The following RFX7 variants were observed in gnomAD, a reference collection of about 807,000 sequenced individuals.
RFX7 encodes regulatory factor X7.
Under a neutral mutation model 111.8 loss-of-function variants are expected in RFX7, and 26 were observed. That is an observed-to-expected ratio of 0.23 (90% CI 0.17 to 0.32). The LOEUF is 0.32. Ranked by LOEUF, RFX7 falls within the 10% of genes least tolerant of loss-of-function variation. The probability of loss-of-function intolerance (pLI) is 1.00; values close to 1 mark genes in which losing one functional copy is unlikely to be tolerated. For synonymous variants in RFX7, 624 were observed against 624.4 expected (o/e 1.00, Z 0.01); for missense variants, 1,573 against 1,772.9 (o/e 0.89, Z 2.02).
chr15:56,234,547 C>G (rs796539145), intron 2 of RFX7, among the ~76,000 whole-genome samples: 34 of 152,260 alleles, frequency 2.2e-4, no homozygotes, highest in African/African-American at 7.5e-4. Flanking sequence ...GATGTAATGA[C>G]TGCAATCAAA....
chr15:56,094,996 C>G lies in RFX7; in HGVS notation c.2732G>C (p.Gly911Ala), dbSNP rs1485268941. The G allele has an allele frequency of 6.2e-7, 1 of 1,612,842 alleles. No individual in the cohort carries two copies. The highest frequency in any genetic ancestry group is 8.5e-7 in the Non-Finnish European group (1 of 1,179,422). The change falls in exon 10 of 10, where the codon GGA becomes GCA. Residue 911 changes from glycine (G) to alanine (A), a missense_variant. This residue lies in a region of RFX7 where 625 missense variants were observed against 632.2 expected (regional missense o/e 0.99). Coordinates refer to ENST00000559447, the MANE Select transcript of RFX7 (RefSeq NM_022841.7). The part of the protein sequence containing the change: ...NNSHSYGNCL[G>A]MTLQSQSVTP... Reference sequence around the variant, plus strand: ...TACTGACTGACTCTGAAGGGTCATTCCCAAACAGTTGCCGTAAGAATGAGA... The same window carrying G: ...TACTGACTGACTCTGAAGGGTCATTGCCAAACAGTTGCCGTAAGAATGAGA...
At chr15:56,111,053 A>G (rs1555417799) in intron 5 of RFX7, among the ~76,000 whole-genome samples, 1 of 88,226 alleles carries the variant, frequency 1.1e-5, no homozygotes, top group African/African-American at 3.9e-5. Context: ...CCGGCCAGCC[A>G]CCCTGTCCGG....
intron 5 of RFX7, among the ~76,000 whole-genome samples, chr15:56,119,890 C>T (rs1289061218): frequency 5.3e-5 from 8 of 151,964 alleles, no homozygotes; most frequent in African/African-American, 1.2e-4. Flanking sequence ...TATGCCAGTA[C>T]CATGCTGTTT....
intron 2 of RFX7, among the ~76,000 whole-genome samples, chr15:56,198,051 T>G (rs1455127740): frequency 1.3e-5 from 2 of 152,182 alleles, no homozygotes; most frequent in African/African-American, 2.4e-5. Context: ...GATACAGCAA[T>G]GCTAGCTGAA....
At chr15:56,124,601 G>A (rs545417331) in intron 5 of RFX7, among the ~76,000 whole-genome samples, 1 of 152,226 alleles carries the variant, frequency 6.6e-6, no homozygotes, top group East Asian at 1.9e-4. Context: ...GCGTTTCCCT[G>A]ATGATTAGTG....
At chr15:56,138,335 C>G (rs1298346183) in intron 5 of RFX7, among the ~76,000 whole-genome samples, 1 of 150,786 alleles carries the variant, frequency 6.6e-6, no homozygotes, top group African/African-American at 2.4e-5. Context: ...ATAGTTAGCT[C>G]TTCTTGTTGA....
chr15:56,093,709 C>G lies in RFX7; in HGVS notation c.4019G>C (p.Gly1340Ala). The change falls in exon 10 of 10, where the codon GGA becomes GCA. Residue 1340 changes from glycine (G) to alanine (A), a missense_variant. By Grantham distance (60) the Gly-to-Ala change is moderately conservative (BLOSUM62 0). Transcript: ENST00000559447. ...PGDNQAQSEI[G>A]EQQLDFNSTV... Reference sequence around the variant, plus strand: ...GCTATTGAAATCTAATTGTTGCTCTCCAATTTCTGATTGTGCTTGATTATC... The same window carrying G: ...GCTATTGAAATCTAATTGTTGCTCTGCAATTTCTGATTGTGCTTGATTATC... 1 of 1,613,694 alleles carries G rather than the reference C, an allele frequency of 6.2e-7. No homozygotes were observed. Among genetic ancestry groups the G allele is most frequent in the Admixed American group, 1.7e-5 (1 of 60,008 alleles).
rs1173251836 is a variant in RFX7 at position 56,093,789 on chromosome 15, T to C, written c.3939A>G (p.Thr1313=). 4.3e-6 allele frequency: 7 copies of C among 1,613,790 alleles called. No homozygotes were observed. In the African/African-American group the frequency reaches 8.0e-5, roughly 18 times the overall value. ...DSSTSVYEFQ[T]PSYLTKSNST... is the part of the protein sequence containing the mutation. ...TATTACTTTTGGTGAGGTAAGATGG[T>C]GTTTGGAACTCATAAACAGAAGTGC... The change falls in exon 10 of 10, where the codon ACA becomes ACG. Residue 1313 remains threonine, a synonymous_variant. Coordinates refer to ENST00000559447, the MANE Select transcript of RFX7 (RefSeq NM_022841.7).
intron 2 of RFX7, among the ~76,000 whole-genome samples, chr15:56,241,806 C>A (rs1440348780): frequency 6.6e-6 from 1 of 152,110 alleles, no homozygotes; most frequent in Non-Finnish European, 1.5e-5. Context: ...CAAAAAAATT[C>A]TCCTTTAAAA....
At chr15:56,128,030 A>G (rs951156447) in intron 5 of RFX7, among the ~76,000 whole-genome samples, 3 of 152,226 alleles carry the variant, frequency 2.0e-5, no homozygotes, top group East Asian at 3.8e-4. Flanking sequence ...GATAATATAC[A>G]TGAAAGAAAC....
chr15:56,176,258 A>G (rs1453420103), intron 3 of RFX7, among the ~76,000 whole-genome samples: 2 of 152,120 alleles, frequency 1.3e-5, no homozygotes, highest in African/African-American at 4.8e-5. Flanking sequence ...AAGGGACTGA[A>G]AAAGTATTTG....
At chr15:56,175,313 T>C (rs2042892020) in intron 3 of RFX7, among the ~76,000 whole-genome samples, 1 of 152,324 alleles carries the variant, frequency 6.6e-6, no homozygotes, top group Middle Eastern at 3.4e-3. Flanking sequence ...ACCAAGCTCA[T>C]GAATTAAAAT....
chr15:56,175,865 A>G (rs2141122070), intron 3 of RFX7, among the ~76,000 whole-genome samples: 1 of 152,300 alleles, frequency 6.6e-6, no homozygotes, highest in Admixed American at 6.5e-5. Flanking sequence ...CAAGTATAAA[A>G]TGACACAAAA....
intron 3 of RFX7, among the ~76,000 whole-genome samples, chr15:56,151,788 C>T (rs1399901236): frequency 1.3e-5 from 2 of 152,124 alleles, no homozygotes; most frequent in East Asian, 3.8e-4. Flanking sequence ...AGTCAAGACC[C>T]ATCAGTGTGC....
chr15:56,157,195 T>C (rs2042663758), intron 3 of RFX7, among the ~76,000 whole-genome samples: 1 of 152,238 alleles, frequency 6.6e-6, no homozygotes, highest in African/African-American at 2.4e-5. Flanking sequence ...TCTTGTGATA[T>C]CGAAGTTTGT....
chr15:56,090,553 TTTAA>T lies in RFX7; in HGVS notation c.*2788_*2791del, dbSNP rs746738531. ...TCCAGTCAGTTTAATATAAAATGTTTTTAATTGTTTTTGAAAACATTTAAAAAAC... is the reference window on the plus strand; with the variant it reads ...TCCAGTCAGTTTAATATAAAATGTTTTTGTTTTTGAAAACATTTAAAAAAC... On this transcript the variant is annotated 3_prime_UTR_variant, in exon 10 of 10. Transcript: ENST00000559447. The T allele has an allele frequency of 1.2e-4, 18 of 152,638 alleles. No homozygotes were observed. The highest frequency in any genetic ancestry group is 2.1e-4 in the South Asian group (1 of 4,834). 9.5% of individuals were successfully genotyped at this position (152,638 alleles called of 1,614,324 possible). A position where few individuals can be genotyped will look rare whatever the true frequency, so the allele number is the denominator to read the frequency against.
At chr15:56,171,974 A>C (rs2042850291) in intron 3 of RFX7, among the ~76,000 whole-genome samples, 1 of 152,240 alleles carries the variant, frequency 6.6e-6, no homozygotes, top group Non-Finnish European at 1.5e-5. Context: ...GCAAAGCAAC[A>C]GACACCCTTG....
At chr15:56,171,212 G>A (rs1253935083) in intron 3 of RFX7, among the ~76,000 whole-genome samples, 1 of 152,128 alleles carries the variant, frequency 6.6e-6, no homozygotes, top group Non-Finnish European at 1.5e-5. Flanking sequence ...AGTCAAGACT[G>A]ACCTCTAGGT....
At chr15:56,110,160 T>C (rs368668417) in intron 5 of RFX7, among the ~76,000 whole-genome samples, 13,272 of 94,442 alleles carry the variant, frequency 0.14, 1,060 homozygotes, top group East Asian at 0.42. Flanking sequence ...GCCCCCCGCC[T>C]GGCCAGCCGC....
Sources: gnomAD v4.1 joint callset for allele counts (sites outside exome capture counted in the v4.1 genomes callset) on GRCh38, gnomAD v4.1.1 for gene constraint, gnomAD v4.1.1 regional missense constraint, MANE v1.5 for transcripts, NCBI Gene and HGNC (gene_info 2026-07-23, HGNC 2026-07-21) for gene names.